DCK: variants seen among roughly 807,000 people sequenced by gnomAD.
DCK encodes deoxycytidine kinase, also known as deoxyadenosine kinase.
DCK carries 23 observed loss-of-function variants against 38.3 expected under a neutral mutation model. The observed-to-expected ratio is 0.60, with a 90% CI of 0.43 to 0.85. The LOEUF is 0.85. Among genes scored for constraint, DCK ranks in the 40% least tolerant of loss-of-function variants. DCK has a pLI of 0.00. For missense variants in DCK, 259 were observed against 304.4 expected, an observed-to-expected ratio of 0.85 and a Z score of 1.11; for synonymous variants, 108 against 100.6, an observed-to-expected ratio of 1.07 and a Z score of -0.44.
chr4:70,997,926 A>G (rs952860007), intron 1 of DCK, 141 bp from the exon 2 acceptor site: 2 of 473,818 alleles, frequency 4.2e-6, no homozygotes, highest in Non-Finnish European at 7.6e-6. Flanking sequence ...CTAAAGAAAT[A>G]TGAAGAGAAA....
intron 2 of DCK, among the ~76,000 whole-genome samples, chr4:71,011,372 G>A (rs918061770): frequency 1.3e-5 from 2 of 150,118 alleles, no homozygotes; most frequent in Admixed American, 1.3e-4. Context: ...TTGTTGGCTT[G>A]TATTTTTTTG....
At chr4:71,010,216 A>G (rs1189908743) in intron 2 of DCK, among the ~76,000 whole-genome samples, 2 of 145,278 alleles carry the variant, frequency 1.4e-5, no homozygotes, top group South Asian at 2.2e-4. Flanking sequence ...ATGTTGCTAT[A>G]CTATTGATAA....
chr4:71,022,223 A>G, intron 2 of DCK, 144 bp from the exon 3 acceptor site: 1 of 491,676 alleles, frequency 2.0e-6, no homozygotes, highest in South Asian at 3.8e-5. Flanking sequence ...GGGAAAGAGT[A>G]TGAGAAAGGG....
intron 2 of DCK, among the ~76,000 whole-genome samples, 174 bp downstream of exon 2, chr4:70,998,356 G>A (rs1423851728): frequency 6.6e-6 from 1 of 151,724 alleles, no homozygotes; most frequent in Non-Finnish European, 1.5e-5. Flanking sequence ...CATATCAATG[G>A]GTTTCAGATT....
At chr4:70,994,326 G>A (rs751586248) in intron 1 of DCK, among the ~76,000 whole-genome samples, 1 of 152,242 alleles carries the variant, frequency 6.6e-6, no homozygotes, top group Non-Finnish European at 1.5e-5. Flanking sequence ...CACCATGATC[G>A]AGATACAGAA....
At chr4:71,005,300 G>GT (rs1739911602) in intron 2 of DCK, among the ~76,000 whole-genome samples, 1 of 151,698 alleles carries the variant, frequency 6.6e-6, no homozygotes, top group African/African-American at 2.4e-5. Context: ...TGCACCCACT[G>GT]TATAACCAGT....
At position 71,029,346 on chromosome 4, in the gene DCK, C is replaced by G. The variant is rs779121057; in HGVS notation, c.757-6C>G. 1 of 1,585,972 alleles carries G rather than the reference C, an allele frequency of 6.3e-7. No individual in the cohort carries two copies. Among genetic ancestry groups the G allele is most frequent in the African/African-American group, 1.4e-5 (1 of 73,532 alleles). On this transcript the variant is annotated splice_polypyrimidine_tract_variant and splice_region_variant and intron_variant, in intron 6 of 6. Transcript: ENST00000286648. ...TATACTGATTTTTTTTTCTTCCTTT[C>G]CTCAGGTCAAAGAGTTTTTGAGTAC...
chr4:71,007,546 A>G (rs1220223183), intron 2 of DCK, among the ~76,000 whole-genome samples: 2 of 152,342 alleles, frequency 1.3e-5, no homozygotes, highest in South Asian at 2.1e-4. Context: ...ATACATGAAC[A>G]TACCTCTAAG....
chr4:71,025,906 A>T lies in DCK; in HGVS notation c.640A>T (p.Ser214Cys). 2.5e-6 allele frequency: 4 copies of T among 1,610,366 alleles called. No individual in the cohort carries two copies. Among genetic ancestry groups the T allele is most frequent in the Non-Finnish European group, 3.4e-6 (4 of 1,178,172 alleles). The part of the protein sequence containing the change: ...YLEKLHYKHE[S>C]WLLHRTLKTN... ...AGAGAAGCTTCATTATAAACATGAA[A>T]GCTGGCTCCTGCATAGGACACTGAA... Residue 214 changes from serine (S) to cysteine (C), a missense_variant, in exon 5 of 7, where the codon AGC becomes TGC. Transcript: ENST00000286648.
At chr4:70,994,584 A>G (rs953371400) in intron 1 of DCK, among the ~76,000 whole-genome samples, 2 of 152,224 alleles carry the variant, frequency 1.3e-5, no homozygotes, top group African/African-American at 4.8e-5. Context: ...GCTGAGTAGT[A>G]TTCCATTGCA....
In DCK at chr4:71,022,772, G is replaced by A. The variant is rs538258565; in HGVS notation, c.401+212G>A. ...ATAATCCTCAGCTTCCATAGAAACTGTTGGGAATATGGTGGTGCCCATTTC... is the reference window on the plus strand; with the variant it reads ...ATAATCCTCAGCTTCCATAGAAACTATTGGGAATATGGTGGTGCCCATTTC... On this transcript the variant is annotated intron_variant, in intron 3 of 6. Transcript: ENST00000286648. Among the ~76,000 whole-genome samples the A allele has an allele frequency of 1.6e-4, 25 of 152,262 alleles. No homozygotes were observed. The Middle Eastern group carries it at 0.01, about 62-fold the overall frequency.
At chr4:70,998,921 T>G (rs536559076) in intron 2 of DCK, among the ~76,000 whole-genome samples, 1 of 147,310 alleles carries the variant, frequency 6.8e-6, no homozygotes, top group Admixed American at 6.7e-5. Flanking sequence ...AGACACTGTC[T>G]CAACAAAAAA....
At chr4:71,018,666 A>ATTTTTTTTTTTTTTTTTTTTTTTTTTTTT (rs11315015) in intron 2 of DCK, among the ~76,000 whole-genome samples, 1 of 83,322 alleles carries the variant, frequency 1.2e-5, no homozygotes, top group Non-Finnish European at 2.5e-5. Context: ...TATTTTTTAG[A>ATTTTTTTTTTTTTTTTTTTTTTTTTTTTT]TTTTTTTTTT....
At chr4:71,011,923 T>C (rs1740099108) in intron 2 of DCK, among the ~76,000 whole-genome samples, 1 of 152,218 alleles carries the variant, frequency 6.6e-6, no homozygotes, top group Non-Finnish European at 1.5e-5. Flanking sequence ...CCACTCTGTA[T>C]GTATCTTTTA....
In DCK at chr4:71,028,976, C is replaced by G. The variant is rs145832588; in HGVS notation, c.757-376C>G. On this transcript the variant is annotated intron_variant, in intron 6 of 6. Coordinates refer to ENST00000286648, the MANE Select transcript of DCK (RefSeq NM_000788.3). ...TTCTCCATGTTGGTCAGGCAGGTCT[C>G]GAACTCCTGACCGCAGGTGATCTGC... is the stretch of plus-strand genomic sequence containing the variant. Among the ~76,000 whole-genome samples the G allele has an allele frequency of 4.0e-3, 609 of 152,224 alleles. 1 individual carries two copies. Among genetic ancestry groups the G allele is most frequent in the Middle Eastern group, 0.01 (3 of 294 alleles).
chr4:71,014,852 T>A (rs959649023), intron 2 of DCK, among the ~76,000 whole-genome samples: 6 of 152,000 alleles, frequency 3.9e-5, no homozygotes, highest in East Asian at 1.9e-4. Context: ...AACATCACAA[T>A]TAAAAGAACT....
At chr4:71,002,920 T>C (rs1578419617) in intron 2 of DCK, among the ~76,000 whole-genome samples, 1 of 152,292 alleles carries the variant, frequency 6.6e-6, no homozygotes, top group African/African-American at 2.4e-5. Context: ...AATTTGCCAC[T>C]CTGTGTCTTT....
intron 2 of DCK, among the ~76,000 whole-genome samples, chr4:71,006,114 A>AAAC (rs1553942284): frequency 3.2e-5 from 4 of 125,620 alleles, no homozygotes; most frequent in Non-Finnish European, 4.9e-5. Context: ...AAAAAAAAAA[A>AAAC]CAGAAAAAAC....
At chr4:71,014,451 A>G (rs903891260) in intron 2 of DCK, among the ~76,000 whole-genome samples, 2 of 152,224 alleles carry the variant, frequency 1.3e-5, no homozygotes, top group African/African-American at 2.4e-5. Context: ...TCCACCCCAA[A>G]TCAACAGAAT....
Sources: allele counts gnomAD v4.1 joint callset (sites outside exome capture counted in the v4.1 genomes callset), GRCh38; gene constraint gnomAD v4.1.1; transcripts MANE v1.5; gene names NCBI Gene and HGNC (gene_info 2026-07-23, HGNC 2026-07-21).